Variants in ARFGAP3 observed in about 807,000 individuals in gnomAD.
ARFGAP3 encodes the protein ARF GTPase activating protein 3, also known as ADP-ribosylation factor GTPase-activating protein 3.
Under a neutral mutation model 75.0 loss-of-function variants are expected in ARFGAP3, and 72 were observed. The observed-to-expected ratio is 0.96, with a 90% confidence interval of 0.79 to 1.17. The LOEUF is 1.17. ARFGAP3 is among the 50% of genes most tolerant of loss of function. The probability of loss-of-function intolerance (pLI) is 0.00; values close to 1 mark genes in which losing one functional copy is unlikely to be tolerated. For missense variants in ARFGAP3, 620 were observed against 626.6 expected (o/e 0.99, Z 0.11); for synonymous variants, 221 against 217.9 (o/e 1.01, Z -0.13).
chr22:42,825,295 A>G (rs193244937), intron 7 of ARFGAP3, among the ~76,000 whole-genome samples: 5 of 152,356 alleles, frequency 3.3e-5, no homozygotes, highest in Non-Finnish European at 4.4e-5. Flanking sequence ...TTAGCTAGGC[A>G]TTATGTATAC....
chr22:42,810,412 T>C (rs1925313272), intron 12 of ARFGAP3, among the ~76,000 whole-genome samples: 2 of 152,070 alleles, frequency 1.3e-5, no homozygotes, highest in South Asian at 2.1e-4. Context: ...TGCAGTAAGC[T>C]GAGATTGCAC....
chr22:42,823,661 T>G lies in ARFGAP3; in HGVS notation c.667A>C (p.Lys223Gln). ...IIKKKPNQAKKGLGAKKGSLG... is the reference protein window; with the variant it reads ...IIKKKPNQAKQGLGAKKGSLG... ...ATAAAGTACATAATACTCACGCCTT[T>G]TTTAGCTTGATTTGGTTTCTTTTTT... Residue 223 changes from lysine to glutamine, a missense_variant, in exon 8 of 16, where the codon AAA (lysine) becomes CAA (glutamine). Coordinates refer to ENST00000263245, the MANE Select transcript of ARFGAP3 (RefSeq NM_014570.5). 6.4e-7 allele frequency: 1 copy of G among 1,570,670 alleles called. No homozygotes were observed. The highest frequency in any genetic ancestry group is 8.7e-7 in the Non-Finnish European group (1 of 1,155,134).
chr22:42,807,259 A>G, intron 13 of ARFGAP3, 96 bp from the exon 14 acceptor site: 1 of 1,476,222 alleles, frequency 6.8e-7, no homozygotes, highest in African/African-American at 1.4e-5. Context: ...AAAGTGTTTG[A>G]CCCCCAGGCT....
rs959391434 is a variant in ARFGAP3, at chr22:42,817,134, TA to T, written c.1064+7del. 46 of 1,581,364 alleles carry T rather than the reference TA, an allele frequency of 2.9e-5. No homozygotes were observed. The African/African-American group carries it at 5.7e-4, about 19-fold the overall frequency. ...ATGACACTTCAACGATGATTTGTAA[TA>T]CAGTACCTTGAGCTGGAAGTAAAAT... On this transcript the variant is annotated splice_region_variant and intron_variant, in intron 11 of 15. Transcript: ENST00000263245.
intron 12 of ARFGAP3, 129 bp downstream of exon 12, chr22:42,810,684 G>T: frequency 2.6e-6 from 2 of 767,512 alleles, no homozygotes; most frequent in Non-Finnish European, 4.4e-6. Flanking sequence ...CTCTTAAAGT[G>T]CTGGGATTAT....
chr22:42,816,307 T>C (rs1925577866), intron 11 of ARFGAP3, among the ~76,000 whole-genome samples: 1 of 152,138 alleles, frequency 6.6e-6, no homozygotes, highest in East Asian at 1.9e-4. Flanking sequence ...AATTTACAGA[T>C]GAGGAAGCTA....
At position 42,799,129 on chromosome 22, in the gene ARFGAP3, G is replaced by A. The variant is rs760218483; in HGVS notation, c.1443C>T (p.Asn481=). The change falls in exon 15 of 16, where the codon AAC becomes AAT. Residue 481 remains asparagine (N), a synonymous_variant. Transcript: ENST00000263245. ...GNYSLSSVLP[N]APDMAQFKQG... ...GCTTGAACTGCGCCATGTCGGGGGC[G>A]TTGGGCAGCACACTGGACAGGCTGT... 19 of 1,614,166 alleles carry A rather than the reference G, an allele frequency of 1.2e-5. No homozygotes were observed. The highest frequency in any genetic ancestry group is 8.9e-5 in the East Asian group (4 of 44,886).
chr22:42,851,060 C>A (rs1009156421), intron 1 of ARFGAP3, among the ~76,000 whole-genome samples: 1 of 152,196 alleles, frequency 6.6e-6, no homozygotes, highest in African/African-American at 2.4e-5. Context: ...TGTTCTTCCC[C>A]GTCAGGCTGT....
Position 42,817,200 on chromosome 22 carries a change from T to C in ARFGAP3, c.1006A>G (p.Lys336Glu). Residue 336 changes from lysine to glutamate, a missense_variant, in exon 11 of 16, where the codon AAA (lysine) becomes GAA (glutamate). By Grantham distance (56) the Lys-to-Glu change is moderately conservative. Transcript: ENST00000263245. ...TIEQESPIMA[K>E]PRKKYNDDSD... ...TCATCATTATACTTTTTTCTTGGTT[T>C]TGCCATAATGGGTGATTCCTGCTCT... is the stretch of plus-strand genomic sequence containing the variant. 2 of 1,613,834 alleles carry C rather than the reference T, an allele frequency of 1.2e-6. No homozygotes were observed. The highest frequency in any genetic ancestry group is 1.7e-6 in the Non-Finnish European group (2 of 1,179,860).
chr22:42,826,775 A>C (rs751476264), intron 7 of ARFGAP3, among the ~76,000 whole-genome samples, 165 bp downstream of exon 7: 5 of 152,160 alleles, frequency 3.3e-5, no homozygotes, highest in African/African-American at 4.8e-5. Flanking sequence ...TGAATAAAAA[A>C]CATATATATA....
At chr22:42,847,367 G>T (rs1043907127) in intron 2 of ARFGAP3, 147 bp downstream of exon 2, 1 of 649,182 alleles carries the variant, frequency 1.5e-6, no homozygotes. Flanking sequence ...GTTCACTTGA[G>T]CCCAGTGAGC....
chr22:42,846,821 A>G (rs1047217055), intron 2 of ARFGAP3, among the ~76,000 whole-genome samples: 1 of 152,242 alleles, frequency 6.6e-6, no homozygotes, highest in Non-Finnish European at 1.5e-5. Context: ...CCGAATTATT[A>G]GAAGATGATT....
At chr22:42,843,110 T>C (rs1369222570) in intron 2 of ARFGAP3, among the ~76,000 whole-genome samples, 1 of 149,184 alleles carries the variant, frequency 6.7e-6, no homozygotes, top group African/African-American at 2.5e-5. Flanking sequence ...TCCCCGCTCC[T>C]GCATCCTCAG....
chr22:42,834,234 A>G lies in ARFGAP3; in HGVS notation c.477+8T>C, dbSNP rs373900093. ...ACACTTTAAAATGATGTGAAGCATA[A>G]TACATACCTCAGGAGAAACGTGAGA... On this transcript the variant is annotated splice_region_variant and intron_variant, in intron 5 of 15. Coordinates refer to ENST00000263245, the MANE Select transcript of ARFGAP3 (RefSeq NM_014570.5). 17 of 1,612,424 alleles carry G rather than the reference A, an allele frequency of 1.1e-5. No individual in the cohort carries two copies. In the East Asian group the frequency reaches 3.3e-4, roughly 32 times the overall value.
chr22:42,808,818 A>T lies in ARFGAP3; in HGVS notation c.1269T>A (p.Asn423Lys), dbSNP rs758752279. The change falls in exon 13 of 16, where the codon AAT becomes AAA. Residue 423 changes from asparagine to lysine, a missense_variant. Physicochemically the swap from Asn to Lys is moderately conservative, Grantham distance 94. Transcript: ENST00000263245. Reference sequence around the variant, plus strand: ...ACATATCTGATGAAATGGCCTTGACATTGCCAAACTTCTTCTGGGCCTCAT... The same window carrying T: ...ACATATCTGATGAAATGGCCTTGACTTTGCCAAACTTCTTCTGGGCCTCAT... ...NTDEAQKKFG[N>K]VKAISSDMYF... The T allele has an allele frequency of 1.9e-6, 3 of 1,613,820 alleles. No homozygotes were observed.
intron 6 of ARFGAP3, among the ~76,000 whole-genome samples, chr22:42,830,157 C>T (rs1926221408): frequency 6.6e-6 from 1 of 152,018 alleles, no homozygotes; most frequent in Non-Finnish European, 1.5e-5. Flanking sequence ...TCTCTGTCAC[C>T]CACGCTGGAG....
chr22:42,857,117 G>A lies in ARFGAP3; in HGVS notation c.66C>T (p.Asn22=), dbSNP rs2146598187. The change falls in exon 1 of 16, where the codon AAC becomes AAT. Residue 22 remains asparagine (N), a synonymous_variant. Coordinates refer to ENST00000263245, the MANE Select transcript of ARFGAP3 (RefSeq NM_014570.5). The part of the protein sequence containing the change: ...IFKRLRSVPT[N]KVCFDCGAKN... ...CGCACTCGCCCGCGGCCGCTACCTT[G>A]TTAGTGGGCACCGAGCGGAGGCGCT... The A allele has an allele frequency of 6.6e-7, 1 of 1,513,186 alleles. No homozygotes were observed. Among genetic ancestry groups the A allele is most frequent in the Non-Finnish European group, 8.9e-7 (1 of 1,129,224 alleles). The allele number at this position is 1,513,186 out of a possible 1,614,324, so 93.7% of individuals were successfully genotyped here. A position where few individuals can be genotyped will look rare whatever the true frequency, so the allele number is the denominator to read the frequency against.
intron 6 of ARFGAP3, among the ~76,000 whole-genome samples, chr22:42,829,400 A>T (rs1926187148): frequency 6.6e-6 from 1 of 152,240 alleles, no homozygotes; most frequent in Non-Finnish European, 1.5e-5. Context: ...GCAAAACAAA[A>T]AGCAAACACA....
At chr22:42,806,858 C>G (rs1925146057) in intron 14 of ARFGAP3, among the ~76,000 whole-genome samples, 1 of 152,210 alleles carries the variant, frequency 6.6e-6, no homozygotes, top group Non-Finnish European at 1.5e-5. Flanking sequence ...GATGACTTGC[C>G]AGGCAATGAT....
Sources: gnomAD v4.1 joint callset for allele counts (sites outside exome capture counted in the v4.1 genomes callset) on GRCh38, gnomAD v4.1.1 for gene constraint, MANE v1.5 for transcripts, NCBI Gene and HGNC (gene_info 2026-07-23, HGNC 2026-07-21) for gene names.